Variants in TRAF2 observed in about 807,000 individuals in gnomAD.
TRAF2 encodes TNF receptor-associated factor 2.
TRAF2 carries 6 observed loss-of-function variants against 55.6 expected under a neutral mutation model. The ratio of observed to expected loss-of-function variants is 0.11; its 90% CI spans 0.06 to 0.21. The LOEUF (loss-of-function observed/expected upper bound fraction) is 0.21, where lower values mean the gene tolerates loss of function less well. Among genes scored for constraint, TRAF2 ranks in the 10% least tolerant of loss-of-function variants. TRAF2 has a pLI of 1.00. For missense variants in TRAF2, 561 were observed against 684.5 expected (o/e 0.82, Z 2.01); for synonymous variants, 329 against 276.3 (o/e 1.19, Z -1.89).
chr9:136,901,654 C>T (rs1849822848), intron 4 of TRAF2, among the ~76,000 whole-genome samples: 1 of 152,190 alleles, frequency 6.6e-6, no homozygotes, highest in Non-Finnish European at 1.5e-5. Context: ...TACCTTGATG[C>T]CATCCAATCC....
chr9:136,905,175 C>T (rs1048236644), intron 4 of TRAF2, among the ~76,000 whole-genome samples: 2 of 152,198 alleles, frequency 1.3e-5, no homozygotes, highest in East Asian at 1.9e-4. Context: ...GCTGCTGACC[C>T]CCACTCCCCA....
At chr9:136,913,062 G>A (rs1295082632) in intron 6 of TRAF2, among the ~76,000 whole-genome samples, 2 of 152,024 alleles carry the variant, frequency 1.3e-5, no homozygotes, top group Admixed American at 6.6e-5. Context: ...GCCTGAACCC[G>A]GGAGGCACAG....
At position 136,921,517 on chromosome 9, in the gene TRAF2, G is replaced by A. The variant is rs905774638; in HGVS notation, c.1138+302G>A. The stretch of plus-strand genomic sequence containing the variant: ...TGGTCCTCTGGCACACAGCCCTAAA[G>A]CAGACATTACATCAACAGGCTCTCC... On this transcript the variant is annotated intron_variant, in intron 9 of 10. Transcript: ENST00000247668. Among the ~76,000 whole-genome samples, 3 of 149,416 alleles carry A rather than the reference G, an allele frequency of 2.0e-5. No individual in the cohort carries two copies. The South Asian group carries it at 6.5e-4, about 33-fold the overall frequency.
intron 4 of TRAF2, among the ~76,000 whole-genome samples, chr9:136,903,563 T>C (rs1401414487): frequency 6.6e-6 from 1 of 151,550 alleles, no homozygotes; most frequent in Non-Finnish European, 1.5e-5. Flanking sequence ...CTGTGTCTGC[T>C]GTGGGTGGGG....
intron 10 of TRAF2, among the ~76,000 whole-genome samples, chr9:136,924,792 T>G (rs982362110): frequency 1.3e-5 from 2 of 152,040 alleles, no homozygotes; most frequent in Non-Finnish European, 1.5e-5. Flanking sequence ...CAGGCTGGAG[T>G]GCAGTGGCAT....
Position 136,926,050 on chromosome 9 carries a change from C to G in TRAF2, c.*149C>G. On this transcript the variant is annotated 3_prime_UTR_variant, in exon 11 of 11. Transcript: ENST00000247668. ...GGGTGTCGGCCTGCAGCCAAGTTCA[C>G]TGTCACGGGGGAAGGAGCCACCAGC... 1.0e-6 allele frequency: 1 copy of G among 963,684 alleles called. No homozygotes were observed. Among genetic ancestry groups the G allele is most frequent in the Non-Finnish European group, 1.6e-6 (1 of 606,450 alleles). The allele number at this position is 963,684 out of a possible 1,614,324, so 59.7% of individuals were successfully genotyped here. A position where few individuals can be genotyped will look rare whatever the true frequency, so the allele number is the denominator to read the frequency against.
rs1329689559 is a variant in TRAF2, at chr9:136,926,444, C to G, written c.*543C>G. 4.0e-6 allele frequency: 1 copy of G among 253,008 alleles called. No homozygotes were observed. Among genetic ancestry groups the G allele is most frequent in the African/African-American group, 2.2e-5 (1 of 44,866 alleles). The allele number at this position is 253,008 out of a possible 1,614,324, so 15.7% of individuals were successfully genotyped here. On this transcript the variant is annotated 3_prime_UTR_variant, in exon 11 of 11. Transcript: ENST00000247668. ...CCTGGGTGCTTGTCTGCACAGAGCT[C>G]TGGTCTGTGCCACCTTGGCCAGGCT...
chr9:136,914,040 C>T (rs1031980848), intron 6 of TRAF2, among the ~76,000 whole-genome samples: 4 of 152,198 alleles, frequency 2.6e-5, no homozygotes, highest in Admixed American at 2.0e-4. Flanking sequence ...ACGGACACCT[C>T]GTGTTTGATA....
chr9:136,896,704 G>A (rs895864869), intron 1 of TRAF2, among the ~76,000 whole-genome samples: 10 of 152,038 alleles, frequency 6.6e-5, no homozygotes, highest in African/African-American at 2.4e-4. Context: ...ACAGTGGCGC[G>A]ATCTTGGCTC....
chr9:136,916,431 G>C, intron 6 of TRAF2, 110 bp from the exon 7 acceptor site: 1 of 1,086,930 alleles, frequency 9.2e-7, no homozygotes, highest in East Asian at 2.4e-5. Flanking sequence ...GAGTGAAGAG[G>C]CCAACGGGGC....
intron 6 of TRAF2, among the ~76,000 whole-genome samples, chr9:136,911,713 C>T (rs375855006): frequency 1.3e-5 from 2 of 152,248 alleles, no homozygotes; most frequent in South Asian, 4.1e-4. Context: ...TGCAGGCCGA[C>T]ATATAGGGGC....
intron 4 of TRAF2, among the ~76,000 whole-genome samples, chr9:136,906,493 A>C (rs1398113827): frequency 6.6e-6 from 1 of 152,050 alleles, no homozygotes; most frequent in East Asian, 1.9e-4. Flanking sequence ...CTATCACGAG[A>C]GCAGCACGGG....
At position 136,921,752 on chromosome 9, in the gene TRAF2, T is replaced by TC. The variant is rs1227540833; in HGVS notation, c.1138+541dup. 9.2e-5 allele frequency among the ~76,000 whole-genome samples: 14 copies of TC among 151,806 alleles called. No individual in the cohort carries two copies. In the South Asian group the frequency reaches 2.9e-3, roughly 32 times the overall value. ...CTCTTGAGAGGGTGCTCGTGGGGTCTCCCCTGGAGGGCACTGCTGGAGAGG... is the reference window on the plus strand; with the variant it reads ...CTCTTGAGAGGGTGCTCGTGGGGTCTCCCCCTGGAGGGCACTGCTGGAGAGG... On this transcript the variant is annotated intron_variant, in intron 9 of 10. Transcript: ENST00000247668.
Position 136,926,049 on chromosome 9 carries a change from ACT to A in TRAF2, c.*149_*150del. The A allele has an allele frequency of 1.0e-6, 1 of 970,646 alleles. No homozygotes were observed. Among genetic ancestry groups the A allele is most frequent in the East Asian group, 2.4e-5 (1 of 41,314 alleles). 60.1% of individuals were successfully genotyped at this position (970,646 alleles called of 1,614,324 possible). A position where few individuals can be genotyped will look rare whatever the true frequency, so the allele number is the denominator to read the frequency against. ...AGGGTGTCGGCCTGCAGCCAAGTTC[ACT>A]GTCACGGGGGAAGGAGCCACCAGCC... On this transcript the variant is annotated 3_prime_UTR_variant, in exon 11 of 11. Coordinates refer to ENST00000247668, the MANE Select transcript of TRAF2 (RefSeq NM_021138.4).
intron 6 of TRAF2, 60 bp downstream of exon 6, chr9:136,910,054 G>T (rs1850066650): frequency 6.5e-7 from 1 of 1,544,126 alleles, no homozygotes; most frequent in Non-Finnish European, 8.9e-7. Flanking sequence ...TGGACGTGAG[G>T]GTCCCGTGGG....
intron 5 of TRAF2, among the ~76,000 whole-genome samples, chr9:136,909,212 C>T (rs1588433997): frequency 6.6e-6 from 1 of 152,278 alleles, no homozygotes; most frequent in Non-Finnish European, 1.5e-5. Context: ...CTGACTTCGC[C>T]TTCCCCAAAG....
intron 6 of TRAF2, among the ~76,000 whole-genome samples, chr9:136,911,547 G>A (rs1850107089): frequency 6.6e-6 from 1 of 151,992 alleles, no homozygotes; most frequent in Non-Finnish European, 1.5e-5. Context: ...TTACAGGCGT[G>A]AGCCACTGCC....
At chr9:136,909,792 C>T (rs1045934834) in intron 5 of TRAF2, 128 bp from the exon 6 acceptor site, 9 of 885,994 alleles carry the variant, frequency 1.0e-5, no homozygotes, top group East Asian at 5.3e-5. Context: ...CACTGTCCTT[C>T]GAGGCTGGAG....
At chr9:136,914,595 T>C (rs1371455352) in intron 6 of TRAF2, among the ~76,000 whole-genome samples, 1 of 152,200 alleles carries the variant, frequency 6.6e-6, no homozygotes, top group Non-Finnish European at 1.5e-5. Flanking sequence ...ACACGGATGT[T>C]TGCATTTCAG....
Sources: gnomAD v4.1 joint callset for allele counts (sites outside exome capture counted in the v4.1 genomes callset) on GRCh38, gnomAD v4.1.1 for gene constraint, MANE v1.5 for transcripts, NCBI Gene and HGNC (gene_info 2026-07-23, HGNC 2026-07-21) for gene names.